Variants in GLIS3 observed in about 807,000 individuals in gnomAD.
The protein encoded by GLIS3 is zinc finger protein GLIS3.
A neutral mutation model predicts 78.6 loss-of-function variants in GLIS3; 53 were observed. The observed-to-expected ratio is 0.67, with a 90% CI of 0.54 to 0.85. The LOEUF is 0.85. GLIS3 is among the 40% of genes least tolerant of loss of function. The pLI is 0.00. For synonymous variants in GLIS3, 684 were observed against 509.9 expected (o/e 1.34, Z -4.60); for missense variants, 1,703 against 1,231.1 (o/e 1.38, Z -5.74).
At position 4,118,307 on chromosome 9, in the gene GLIS3, C is replaced by G. The variant is rs1377451439; in HGVS notation, c.1171G>C (p.Glu391Gln). Residue 391 changes from glutamate (E) to glutamine (Q), a missense_variant, in exon 4 of 11, where the codon GAG becomes CAG. Glu to Gln is a conservative substitution (Grantham distance 29, BLOSUM62 2). Transcript: ENST00000381971. This position sits in a 1 kb window ranked among gnomAD's most constrained non-coding sequence, Gnocchi z 4.7. The part of the protein sequence containing the change: ...LPAYGEDGAL[E>Q]HERMQQLEHG... ...TCCAGCTGTTGCATGCGCTCGTGCT[C>G]CAGGGCCCCGTCCTCGCCGTAGGCC... 2.5e-6 allele frequency: 4 copies of G among 1,576,838 alleles called. No homozygotes were observed. The highest frequency in any genetic ancestry group is 3.4e-6 in the Non-Finnish European group (4 of 1,163,648).
intron 4 of GLIS3, among the ~76,000 whole-genome samples, chr9:4,047,996 A>C (rs1825395001): frequency 6.6e-6 from 1 of 152,140 alleles, no homozygotes. Flanking sequence ...ATCTCTGGGT[A>C]AGAAGTGTGG....
intron 7 of GLIS3, among the ~76,000 whole-genome samples, chr9:3,896,982 T>A (rs1223845770): frequency 1.3e-5 from 2 of 152,108 alleles, no homozygotes; most frequent in Non-Finnish European, 2.9e-5. Context: ...CAAAAACATT[T>A]CAAGCTGAAC....
At chr9:4,481,338 G>C in the GLIS3 span, among the ~76,000 whole-genome samples, 1 of 152,110 alleles carries the variant, frequency 6.6e-6, no homozygotes, top group South Asian at 2.1e-4. Context: ...ATAAAAATTA[G>C]CCGGGTATGG....
the GLIS3 span, among the ~76,000 whole-genome samples, chr9:4,420,983 T>A: frequency 1.3e-5 from 2 of 152,194 alleles, no homozygotes; most frequent in East Asian, 1.9e-4. Flanking sequence ...TCCAAAATTT[T>A]AAAAAAGTGT....
chr9:4,074,979 T>C (rs1434880473), intron 4 of GLIS3, among the ~76,000 whole-genome samples: 1 of 152,146 alleles, frequency 6.6e-6, no homozygotes, highest in East Asian at 1.9e-4. Flanking sequence ...GGGAGCAGCA[T>C]AGAGTTTTCT....
chr9:4,338,408 AC>A (rs1191397026), intron 2 of GLIS3, among the ~76,000 whole-genome samples: 1 of 151,268 alleles, frequency 6.6e-6, no homozygotes, highest in African/African-American at 2.4e-5. Context: ...ACACACACAC[AC>A]AATTTTTTAA....
intron 9 of GLIS3, among the ~76,000 whole-genome samples, chr9:3,833,250 T>C (rs1818150997): frequency 1.3e-5 from 2 of 152,170 alleles, no homozygotes. Flanking sequence ...AAATCCTCTT[T>C]ATTAAATCTC....
the GLIS3 span, among the ~76,000 whole-genome samples, chr9:4,473,516 T>C: frequency 8.6e-4 from 129 of 150,800 alleles, no homozygotes; most frequent in African/African-American, 3.1e-3. Flanking sequence ...TGGAGGCCAC[T>C]ATCCTTAGCA....
At chr9:4,294,456 C>T (rs919249216) in intron 1 of GLIS3, among the ~76,000 whole-genome samples, 1 of 152,018 alleles carries the variant, frequency 6.6e-6, no homozygotes, top group African/African-American at 2.4e-5. Context: ...TTGCAGTAAG[C>T]CAAGATCACA....
intron 8 of GLIS3, among the ~76,000 whole-genome samples, chr9:3,872,629 G>A (rs1821038363): frequency 6.6e-6 from 1 of 152,100 alleles, no homozygotes; most frequent in African/African-American, 2.4e-5. Flanking sequence ...CAACAGTATG[G>A]GGGAAACCAT....
chr9:4,329,229 C>T (rs60318144), intron 2 of GLIS3, among the ~76,000 whole-genome samples: 1,603 of 152,230 alleles, frequency 0.011, 25 homozygotes, highest in African/African-American at 0.032. Flanking sequence ...TCTGAGTCCA[C>T]GACCCCCAGG....
At position 3,907,916 on chromosome 9, in the gene GLIS3, A is replaced by C. The variant is rs77732766; in HGVS notation, c.1984-9081T>G. On this transcript the variant is annotated intron_variant, in intron 6 of 10. Coordinates refer to ENST00000381971, the MANE Select transcript of GLIS3 (RefSeq NM_001042413.2). The stretch of plus-strand genomic sequence containing the variant: ...ATTTGGTTCAAGAATGTCGAGAGGC[A>C]ATCAGCAGCACTTAAAAAGATGCTC... Among the ~76,000 whole-genome samples the C allele has an allele frequency of 2.4e-3, 366 of 152,304 alleles. 2 individuals carry two copies. Among genetic ancestry groups the C allele is most frequent in the African/African-American group, 8.7e-3 (361 of 41,562 alleles).
chr9:4,398,781 C>T, the GLIS3 span, among the ~76,000 whole-genome samples: 1 of 152,162 alleles, frequency 6.6e-6, no homozygotes, highest in African/African-American at 2.4e-5. Context: ...TCTGCCTCCC[C>T]ATTCAAGCAA....
At chr9:4,186,703 A>T (rs1253810618) in intron 2 of GLIS3, among the ~76,000 whole-genome samples, 2 of 151,874 alleles carry the variant, frequency 1.3e-5, no homozygotes, top group Non-Finnish European at 2.9e-5. Flanking sequence ...AACTGGTGTG[A>T]GATGGTATCT....
At chr9:4,409,893 A>G in the GLIS3 span, among the ~76,000 whole-genome samples, 32 of 152,360 alleles carry the variant, frequency 2.1e-4, 1 homozygote, top group South Asian at 3.9e-3. Flanking sequence ...CCAAATGCCT[A>G]TAAGTTATTT....
At chr9:4,444,897 T>C in the GLIS3 span, among the ~76,000 whole-genome samples, 4 of 152,220 alleles carry the variant, frequency 2.6e-5, no homozygotes, top group African/African-American at 9.6e-5. Flanking sequence ...TCAGTTTAGC[T>C]CCTTCCTGCC....
intron 4 of GLIS3, among the ~76,000 whole-genome samples, chr9:4,048,198 G>C (rs1175141827): frequency 2.0e-5 from 3 of 152,260 alleles, no homozygotes; most frequent in African/African-American, 7.2e-5. Context: ...TTATTATGTA[G>C]GGCTGGCTAT....
chr9:4,356,522 G>T, the GLIS3 span, among the ~76,000 whole-genome samples: 6 of 152,212 alleles, frequency 3.9e-5, no homozygotes, highest in Non-Finnish European at 8.8e-5. Context: ...ATATTAGATG[G>T]GAGGAAATTG....
intron 1 of GLIS3, among the ~76,000 whole-genome samples, chr9:4,293,038 G>C (rs781161416): frequency 5.9e-5 from 9 of 152,126 alleles, no homozygotes; most frequent in Non-Finnish European, 1.2e-4. Context: ...ACTGGCTGGA[G>C]ATGTTTCTTT....
Sources: allele counts gnomAD v4.1 joint callset (sites outside exome capture counted in the v4.1 genomes callset), GRCh38; gene constraint gnomAD v4.1.1; non-coding constraint Gnocchi (gnomAD v3.1); transcripts MANE v1.5; gene names NCBI Gene and HGNC (gene_info 2026-07-23, HGNC 2026-07-21).